MCM3AP: variants seen among roughly 807,000 people sequenced by gnomAD.
MCM3AP encodes minichromosome maintenance complex component 3 associated protein.
Under a neutral mutation model 184.1 loss-of-function variants are expected in MCM3AP, and 126 were observed. The ratio of observed to expected loss-of-function variants is 0.68; its 90% CI spans 0.59 to 0.79. The LOEUF is 0.79. Among genes scored for constraint, MCM3AP ranks in the 30% least tolerant of loss-of-function variants. The pLI is 0.00. For synonymous variants in MCM3AP, 1,002 were observed against 979.3 expected (o/e 1.02, Z -0.43); for missense variants, 2,496 against 2,479.2 (o/e 1.01, Z -0.14).
intron 15 of MCM3AP, among the ~76,000 whole-genome samples, chr21:46,260,119 G>A (rs2081022817): frequency 6.6e-6 from 1 of 151,984 alleles, no homozygotes; most frequent in Non-Finnish European, 1.5e-5. Context: ...GTATTAAAAT[G>A]TAATTCTATC....
chr21:46,253,676 G>C (rs2080906102), intron 19 of MCM3AP: 1 of 151,688 alleles, frequency 6.6e-6, no homozygotes, highest in Non-Finnish European at 1.5e-5. Flanking sequence ...GTGGTTGTGT[G>C]ACAACTCCCC....
intron 13 of MCM3AP, among the ~76,000 whole-genome samples, chr21:46,262,317 G>T (rs1014468912): frequency 2.0e-5 from 3 of 152,170 alleles, no homozygotes; most frequent in Non-Finnish European, 4.4e-5. Flanking sequence ...GGCTAGCATT[G>T]CTCTAATACC....
At chr21:46,251,333 C>A in intron 20 of MCM3AP, 196 bp downstream of exon 20, 2 of 425,568 alleles carry the variant, frequency 4.7e-6, no homozygotes, top group East Asian at 3.2e-5. Context: ...GGGCTTGGTG[C>A]CCACTACTCA....
chr21:46,280,458 A>T, intron 3 of MCM3AP, 39 bp downstream of exon 3: 2 of 1,424,368 alleles, frequency 1.4e-6, no homozygotes, highest in Non-Finnish European at 2.0e-6. Flanking sequence ...AAATAAAAAT[A>T]ATTTTTTTAA....
At chr21:46,280,708 G>A (rs962827313) in intron 2 of MCM3AP, 133 bp from the exon 3 acceptor site, 1 of 634,400 alleles carries the variant, frequency 1.6e-6, no homozygotes, top group Non-Finnish European at 2.9e-6. Context: ...GCACGACAGT[G>A]ATTTCTCCAC....
At chr21:46,267,195 C>A in intron 9 of MCM3AP, 53 bp from the exon 10 acceptor site, 1 of 1,554,874 alleles carries the variant, frequency 6.4e-7, no homozygotes, top group African/African-American at 1.4e-5. Context: ...CAGTCAGACA[C>A]ATGCAGTCAG....
At position 46,261,535 on chromosome 21, in the gene MCM3AP, C is replaced by T. The variant is rs2081041576; in HGVS notation, c.3336-124G>A. On this transcript the variant is annotated intron_variant, in intron 13 of 27. Transcript: ENST00000291688. The stretch of plus-strand genomic sequence containing the variant: ...GGATCACAAGGTCAGAAGATCAAGA[C>T]CATTCTGGCCAACACAGTGAAACCC... 4.9e-6 allele frequency: 4 copies of T among 810,954 alleles called. No individual in the cohort carries two copies. The African/African-American group carries it at 6.8e-5, about 14-fold the overall frequency. The allele number at this position is 810,954 out of a possible 1,614,324, so 50.2% of individuals were successfully genotyped here. A position where few individuals can be genotyped will look rare whatever the true frequency, so the allele number is the denominator to read the frequency against.
chr21:46,243,772 A>G, intron 23 of MCM3AP, 50 bp from the exon 24 acceptor site: 1 of 1,582,632 alleles, frequency 6.3e-7, no homozygotes, highest in Non-Finnish European at 8.6e-7. Flanking sequence ...AATACAGGTG[A>G]AAATGTACAT....
chr21:46,258,911 A>C, intron 16 of MCM3AP, 28 bp downstream of exon 16: 1 of 1,613,302 alleles, frequency 6.2e-7, no homozygotes, highest in Non-Finnish European at 8.5e-7. Context: ...GTGTGTGTGG[A>C]TTTTGCCTGT....
At position 46,275,059 on chromosome 21, in the gene MCM3AP, A is replaced by C. The variant is rs559686229; in HGVS notation, c.1998+127T>G. The C allele has an allele frequency of 6.1e-5, 64 of 1,054,172 alleles. 1 individual carries two copies. The South Asian group carries it at 1.2e-3, about 19-fold the overall frequency. The allele number at this position is 1,054,172 out of a possible 1,614,324, so 65.3% of individuals were successfully genotyped here. ...AACATCTCACAATGCAAAACAGCTTAATATGATTGTTAATAGCACAAATAC... is the reference window on the plus strand; with the variant it reads ...AACATCTCACAATGCAAAACAGCTTCATATGATTGTTAATAGCACAAATAC... On this transcript the variant is annotated intron_variant, in intron 6 of 27. Transcript: ENST00000291688.
intron 13 of MCM3AP, among the ~76,000 whole-genome samples, chr21:46,262,104 C>T (rs1353119882): frequency 1.3e-5 from 2 of 152,208 alleles, no homozygotes; most frequent in African/African-American, 2.4e-5. Context: ...AACACACCAT[C>T]TACCAAAACT....
In MCM3AP at chr21:46,273,529, C is replaced by G. The variant is rs537861114; in HGVS notation, c.2055G>C (p.Glu685Asp). The part of the protein sequence containing the change: ...EYSRSSADQE[E>D]PLPHELRPLP... ...AGGGCCGCAGCTCGTGGGGCAGGGGCTCCTCCTGATCCGCCGAGGACCGAC... is the reference window on the plus strand; with the variant it reads ...AGGGCCGCAGCTCGTGGGGCAGGGGGTCCTCCTGATCCGCCGAGGACCGAC... Residue 685 changes from glutamate to aspartate, a missense_variant, in exon 7 of 28, where the codon GAG becomes GAC. Glu to Asp is a conservative substitution (Grantham distance 45). Transcript: ENST00000291688. 3.1e-6 allele frequency: 5 copies of G among 1,613,894 alleles called. No individual in the cohort carries two copies. The highest frequency in any genetic ancestry group is 4.2e-6 in the Non-Finnish European group (5 of 1,179,858).
At chr21:46,273,888 G>A (rs1046248692) in intron 6 of MCM3AP, among the ~76,000 whole-genome samples, 12 of 152,188 alleles carry the variant, frequency 7.9e-5, no homozygotes, top group African/African-American at 2.7e-4. Flanking sequence ...ACAGGGAAGG[G>A]CCTCAAGCAC....
intron 12 of MCM3AP, among the ~76,000 whole-genome samples, chr21:46,264,719 G>A (rs1469492496): frequency 6.6e-6 from 1 of 152,188 alleles, no homozygotes; most frequent in Non-Finnish European, 1.5e-5. Context: ...ATGCCCATCA[G>A]GGTGCACAGC....
Position 46,285,043 on chromosome 21 carries a change from C to T in MCM3AP, c.244G>A (p.Gly82Arg). 6.2e-7 allele frequency: 1 copy of T among 1,614,172 alleles called. No homozygotes were observed. Among genetic ancestry groups the T allele is most frequent in the East Asian group, 2.2e-5 (1 of 44,892 alleles). ...TLGFTQTSSVGPFSGLEHTST... is the reference protein window; with the variant it reads ...TLGFTQTSSVRPFSGLEHTST... ...GTGTGCTCAAGTCCAGAAAAGGGTC[C>T]AACACTTGAGGTTTGGGTGAACCCT... is the stretch of plus-strand genomic sequence containing the variant. Residue 82 changes from glycine (G) to arginine (R), a missense_variant, in exon 1 of 28, where the codon GGA becomes AGA. Transcript: ENST00000291688.
Position 46,260,935 on chromosome 21 carries a change from G to A in MCM3AP, c.3468-29C>T, listed in dbSNP as rs1336033569. On this transcript the variant is annotated intron_variant, in intron 14 of 27. Transcript: ENST00000291688. The stretch of plus-strand genomic sequence containing the variant: ...CAGGGAAGAGAAAAAATACACAAGG[G>A]TAATGTTTAAGAATAAAAATAAGTG... The A allele has an allele frequency of 2.0e-6, 3 of 1,480,830 alleles. No individual in the cohort carries two copies. The African/African-American group carries it at 4.1e-5, about 20-fold the overall frequency. 91.7% of individuals were successfully genotyped at this position (1,480,830 alleles called of 1,614,324 possible).
At position 46,267,437 on chromosome 21, in the gene MCM3AP, G is replaced by C. The variant is rs1041983268; in HGVS notation, c.2629-295C>G. 148 of 361,060 alleles carry C rather than the reference G, an allele frequency of 4.1e-4. 1 individual carries two copies. Among genetic ancestry groups the C allele is most frequent in the Middle Eastern group, 1.6e-3 (2 of 1,244 alleles). The allele number at this position is 361,060 out of a possible 1,614,324, so 22.4% of individuals were successfully genotyped here. On this transcript the variant is annotated intron_variant, in intron 9 of 27. Coordinates refer to ENST00000291688, the MANE Select transcript of MCM3AP (RefSeq NM_003906.5). ...AAACTGTCCATCAACAAGACCAGGT[G>C]AAGTCAGCTGTGCAGCATCCACATG... is the stretch of plus-strand genomic sequence containing the variant.
Position 46,256,683 on chromosome 21 carries a change from G to C in MCM3AP, c.3932+106C>G, listed in dbSNP as rs894623231. 6.5e-6 allele frequency: 9 copies of C among 1,376,038 alleles called. 1 individual carries two copies. In the South Asian group the frequency reaches 1.3e-4, roughly 20 times the overall value. 85.2% of individuals were successfully genotyped at this position (1,376,038 alleles called of 1,614,324 possible). A position where few individuals can be genotyped will look rare whatever the true frequency, so the allele number is the denominator to read the frequency against. ...CAGGCTTCACCTATCTTCGCCTCCA[G>C]GCTTCACCTATCTTCACCCTCCAAA... On this transcript the variant is annotated intron_variant, in intron 17 of 27. Transcript: ENST00000291688.
intron 27 of MCM3AP, 149 bp downstream of exon 27, chr21:46,236,680 G>C: frequency 1.7e-6 from 1 of 583,672 alleles, no homozygotes; most frequent in Non-Finnish European, 3.0e-6. Context: ...ACAATGATAT[G>C]GATAAAGTTT....
Sources: allele counts gnomAD v4.1 joint callset (sites outside exome capture counted in the v4.1 genomes callset), GRCh38; gene constraint gnomAD v4.1.1; transcripts MANE v1.5; gene names NCBI Gene and HGNC (gene_info 2026-07-23, HGNC 2026-07-21).